BLTP2: variants seen among roughly 807,000 people sequenced by gnomAD.
BLTP2 encodes the protein U937-associated antigen.
the BLTP2 span, among the ~76,000 whole-genome samples, chr17:28,626,014 C>A: frequency 6.6e-6 from 1 of 152,198 alleles, no homozygotes; most frequent in Admixed American, 6.5e-5. Context: ...CCATCCGCCT[C>A]GGCCTCCCAA....
the BLTP2 span, chr17:28,634,975 A>T: frequency 1.2e-6 from 2 of 1,613,478 alleles, no homozygotes; most frequent in Non-Finnish European, 1.7e-6. Context: ...AACCTTTAAG[A>T]GTAGATCAGG....
the BLTP2 span, chr17:28,644,304 TCTC>T: frequency 2.8e-6 from 3 of 1,084,380 alleles, no homozygotes; most frequent in Non-Finnish European, 4.0e-6. Flanking sequence ...TCTGAGCAAC[TCTC>T]CTTTCTTCCA....
chr17:28,616,319 C>G, the BLTP2 span: 2 of 1,612,000 alleles, frequency 1.2e-6, no homozygotes, highest in South Asian at 1.1e-5. This position sits in a 1 kb window ranked among gnomAD's most constrained non-coding sequence, Gnocchi z 4.8. Flanking sequence ...AATCCCAAGC[C>G]ACACCAAACA....
the BLTP2 span, chr17:28,633,257 G>C: frequency 4.4e-6 from 7 of 1,603,696 alleles, no homozygotes; most frequent in Non-Finnish European, 6.0e-6. Context: ...TCATCCCATG[G>C]AGGACCCTCC....
the BLTP2 span, chr17:28,624,512 T>A: frequency 1.3e-6 from 1 of 773,750 alleles, no homozygotes; most frequent in Non-Finnish European, 2.0e-6. Flanking sequence ...GAATACATCC[T>A]CCCAAACCTA....
At chr17:28,619,097 C>G in the BLTP2 span, 1 of 688,366 alleles carries the variant, frequency 1.5e-6, no homozygotes. Flanking sequence ...TTAGCCAGTC[C>G]CTACATTTTT....
At chr17:28,628,376 G>C in the BLTP2 span, 3 of 1,614,166 alleles carry the variant, frequency 1.9e-6, no homozygotes, top group African/African-American at 1.3e-5. Context: ...GGCATCTGTG[G>C]ATCAATCTTT....
the BLTP2 span, chr17:28,624,294 G>A: frequency 6.2e-7 from 1 of 1,614,052 alleles, no homozygotes; most frequent in African/African-American, 1.3e-5. Context: ...CTGGCAGGCA[G>A]CAATGCCACA....
chr17:28,617,823 A>G, the BLTP2 span, among the ~76,000 whole-genome samples: 1 of 151,188 alleles, frequency 6.6e-6, no homozygotes, highest in African/African-American at 2.4e-5. Context: ...GCAGTGACAC[A>G]ATCTTGGCTC....
the BLTP2 span, chr17:28,640,011 G>C: frequency 6.2e-7 from 1 of 1,613,776 alleles, no homozygotes; most frequent in South Asian, 1.1e-5. Flanking sequence ...CAGCTTCAGA[G>C]TCCAAGTCAG....
the BLTP2 span, chr17:28,639,528 C>T: frequency 4.2e-5 from 68 of 1,612,600 alleles, no homozygotes; most frequent in East Asian, 1.0e-3. Context: ...AATAATGTAG[C>T]GGGAGAATAG....
the BLTP2 span, among the ~76,000 whole-genome samples, chr17:28,641,698 G>C: frequency 1.3e-5 from 2 of 151,156 alleles, no homozygotes; most frequent in African/African-American, 4.9e-5. Context: ...ACTCATGATA[G>C]GTGCCCACTC....
the BLTP2 span, among the ~76,000 whole-genome samples, chr17:28,622,742 C>T: frequency 6.6e-6 from 1 of 152,190 alleles, no homozygotes; most frequent in African/African-American, 2.4e-5. Flanking sequence ...AGGCTCCTTC[C>T]CTTGTTTCTG....
chr17:28,620,744 G>C, the BLTP2 span: 12 of 1,222,868 alleles, frequency 9.8e-6, no homozygotes, highest in African/African-American at 1.5e-5. Flanking sequence ...GAAAGGGTGA[G>C]AGTTGCTCAT....
chr17:28,626,868 C>T, the BLTP2 span, among the ~76,000 whole-genome samples: 2 of 152,210 alleles, frequency 1.3e-5, no homozygotes, highest in African/African-American at 4.8e-5. Context: ...CTGTGAGCTG[C>T]TCTAGCAAAT....
chr17:28,633,062 G>A, the BLTP2 span: 2 of 1,594,076 alleles, frequency 1.3e-6, no homozygotes, highest in Non-Finnish European at 1.7e-6. Context: ...GGGGCCCGCA[G>A]AGTGACACTA....
chr17:28,623,863 A>C, the BLTP2 span: 1 of 1,614,166 alleles, frequency 6.2e-7, no homozygotes, highest in Non-Finnish European at 8.5e-7. Context: ...CTTTTGCTTC[A>C]ATGTATCACC....
the BLTP2 span, among the ~76,000 whole-genome samples, chr17:28,621,960 A>G: frequency 6.6e-6 from 1 of 152,314 alleles, no homozygotes; most frequent in South Asian, 2.1e-4. Flanking sequence ...AGTGAATAAC[A>G]TTGAGTGAGA....
the BLTP2 span, chr17:28,643,968 C>A: frequency 1.4e-6 from 2 of 1,469,554 alleles, no homozygotes; most frequent in Non-Finnish European, 1.8e-6. Flanking sequence ...GAAAAGCCAC[C>A]AGGATTTCTA....
Sources: allele counts gnomAD v4.1 joint callset (sites outside exome capture counted in the v4.1 genomes callset), GRCh38; gene constraint gnomAD v4.1.1; non-coding constraint Gnocchi (gnomAD v3.1); transcripts MANE v1.5; gene names NCBI Gene and HGNC (gene_info 2026-07-23, HGNC 2026-07-21).